The following MAMDC4 variants were observed in gnomAD, a reference collection of about 807,000 sequenced individuals.
MAMDC4 encodes the protein apical endosomal glycoprotein.
A neutral mutation model predicts 153.3 loss-of-function variants in MAMDC4; 168 were observed. The ratio of observed to expected loss-of-function variants is 1.10; its 90% CI spans 0.97 to 1.25. The LOEUF is 1.25. Ranked by LOEUF, MAMDC4 falls within the 50% of genes most tolerant of loss-of-function variation. The pLI is 0.00. For missense variants in MAMDC4, 1,701 were observed against 1,542.8 expected, an observed-to-expected ratio of 1.10 and a Z score of -1.72; for synonymous variants, 744 against 651.5, an observed-to-expected ratio of 1.14 and a Z score of -2.16.
chr9:136,855,400 C>G (rs1564386513), intron 11 of MAMDC4, 31 bp from the exon 12 acceptor site: 1 of 1,603,894 alleles, frequency 6.2e-7, no homozygotes, highest in African/African-American at 1.3e-5. Context: ...CTCCCCATCC[C>G]TGCCTCCTGA....
At chr9:136,857,872 G>A in intron 19 of MAMDC4, 76 bp downstream of exon 19, 1 of 1,525,346 alleles carries the variant, frequency 6.6e-7, no homozygotes, top group Admixed American at 2.2e-5. Flanking sequence ...TTGTGCTGAG[G>A]CCACTGGGGA....
At chr9:136,855,692 C>T (rs376192806) in intron 12 of MAMDC4, 40 bp from the exon 13 acceptor site, 2 of 1,570,198 alleles carry the variant, frequency 1.3e-6, no homozygotes, top group Non-Finnish European at 8.6e-7. Context: ...AGGCTGAGGA[C>T]TCTGAGGACT....
chr9:136,860,436 G>C, intron 26 of MAMDC4, 126 bp from the exon 27 acceptor site: 1 of 1,008,650 alleles, frequency 9.9e-7, no homozygotes, highest in Non-Finnish European at 1.5e-6. Context: ...CAGGAGAATC[G>C]CTTGAACCAG....
At position 136,858,048 on chromosome 9, in the gene MAMDC4, T is replaced by C; in HGVS notation, c.2534T>C (p.Leu845Pro). Residue 845 changes from leucine (L) to proline (P), a missense_variant, in exon 20 of 27, where the codon CTT becomes CCT. Physicochemically the swap from Leu to Pro is moderately conservative, Grantham distance 98. Coordinates refer to ENST00000317446, the MANE Select transcript of MAMDC4 (RefSeq NM_206920.3). Reference sequence around the variant, plus strand: ...CTCAGCCTCAGTGCCCACGGCGGGCTTGCCTGGCGCCTGGGCAGCATGGAC... The same window carrying C: ...CTCAGCCTCAGTGCCCACGGCGGGCCTGCCTGGCGCCTGGGCAGCATGGAC... ...QVLSLSAHGG[L>P]AWRLGSMDVQ... 6.5e-7 allele frequency: 1 copy of C among 1,528,596 alleles called. No homozygotes were observed. Among genetic ancestry groups the C allele is most frequent in the Non-Finnish European group, 8.8e-7 (1 of 1,139,750 alleles). The allele number at this position is 1,528,596 out of a possible 1,614,324, so 94.7% of individuals were successfully genotyped here. A position where few individuals can be genotyped will look rare whatever the true frequency, so the allele number is the denominator to read the frequency against.
intron 26 of MAMDC4, 113 bp from the exon 27 acceptor site, chr9:136,860,449 A>G: frequency 8.9e-7 from 1 of 1,121,284 alleles, no homozygotes; most frequent in Non-Finnish European, 1.3e-6. Context: ...TGAACCAGGG[A>G]GGCAGGGGTT....
chr9:136,858,968 G>A, intron 23 of MAMDC4, 37 bp from the exon 24 acceptor site: 2 of 1,510,740 alleles, frequency 1.3e-6, no homozygotes, highest in Non-Finnish European at 1.8e-6. Context: ...AGGAGCCCCA[G>A]GACCCCAGGC....
chr9:136,853,062 A>ACTGGGGG (rs1848948849), intron 1 of MAMDC4, 40 bp from the exon 2 acceptor site: 1 of 1,574,572 alleles, frequency 6.4e-7, no homozygotes, highest in Non-Finnish European at 8.7e-7. Flanking sequence ...ATGGCTGGTC[A>ACTGGGGG]CCCTGCCCCC....
In MAMDC4 at chr9:136,857,431, G is replaced by A. The variant is rs371210512; in HGVS notation, c.2171G>A (p.Arg724Gln). The change falls in exon 18 of 27, where the codon CGG (arginine) becomes CAG (glutamine). Residue 724 changes from arginine (R) to glutamine (Q), a missense_variant. Physicochemically the swap from Arg to Gln is conservative, Grantham distance 43 (BLOSUM62 1). Transcript: ENST00000317446. ...GTMALDDVAV[R>Q]PGPCWAPNYC... Reference sequence around the variant, plus strand: ...ATGGCGCTGGACGATGTGGCCGTGCGGCCGGGCCCCTGCTGGGCCCCTAAT... The same window carrying A: ...ATGGCGCTGGACGATGTGGCCGTGCAGCCGGGCCCCTGCTGGGCCCCTAAT... 19 of 1,608,224 alleles carry A rather than the reference G, an allele frequency of 1.2e-5. No individual in the cohort carries two copies. The highest frequency in any genetic ancestry group is 8.9e-5 in the East Asian group (4 of 44,882).
Position 136,859,901 on chromosome 9 carries a change from C to T in MAMDC4, c.3209C>T (p.Pro1070Leu), listed in dbSNP as rs754062243. The T allele has an allele frequency of 1.2e-6, 2 of 1,612,090 alleles. No homozygotes were observed. The highest frequency in any genetic ancestry group is 2.2e-5 in the South Asian group (2 of 91,022). The change falls in exon 26 of 27, where the codon CCC (proline) becomes CTC (leucine). Residue 1070 changes from proline (P) to leucine (L), a missense_variant. Coordinates refer to ENST00000317446, the MANE Select transcript of MAMDC4 (RefSeq NM_206920.3). Reference sequence around the variant, plus strand: ...TGGCCCACAGGGAACACAGCCGCACCCGGGTCTGTGCCAGCTGTGGTTGGC... The same window carrying T: ...TGGCCCACAGGGAACACAGCCGCACTCGGGTCTGTGCCAGCTGTGGTTGGC... ...PAPSPGNTAA[P>L]GSVPAVVGSA...
rs1206820972 is a variant in MAMDC4 at position 136,857,253 on chromosome 9, C to T, written c.2061C>T (p.Ala687=). ...CCCAGGGCAACCGCTGGCACGAGGC[C>T]TGGGCCACCCTTTCCCACCAGCCTG... The part of the protein sequence containing the change: ...SGTQGNRWHE[A]WATLSHQPGS... Residue 687 remains alanine, a synonymous_variant, in exon 17 of 27, where the codon GCC becomes GCT. Coordinates refer to ENST00000317446, the MANE Select transcript of MAMDC4 (RefSeq NM_206920.3). The T allele has an allele frequency of 1.2e-6, 2 of 1,604,202 alleles. No individual in the cohort carries two copies. The highest frequency in any genetic ancestry group is 1.7e-6 in the Non-Finnish European group (2 of 1,175,988).
rs1446183713 is a variant in MAMDC4 at position 136,853,589 on chromosome 9, A to G, written c.373A>G (p.Thr125Ala). The G allele has an allele frequency of 6.2e-7, 1 of 1,612,276 alleles. No homozygotes were observed. Among genetic ancestry groups the G allele is most frequent in the Non-Finnish European group, 8.5e-7 (1 of 1,179,858 alleles). Residue 125 changes from threonine to alanine, a missense_variant, in exon 4 of 27, where the codon ACC becomes GCC. Thr to Ala is a moderately conservative substitution (Grantham distance 58). Coordinates refer to ENST00000317446, the MANE Select transcript of MAMDC4 (RefSeq NM_206920.3). Reference sequence around the variant, plus strand: ...AACCCACCGAGGGAAAGAGGCATCCACCGCAGCCCTGCGCTCGCCAACCCT... The same window carrying G: ...AACCCACCGAGGGAAAGAGGCATCCGCCGCAGCCCTGCGCTCGCCAACCCT... ...VGTHRGKEASTAALRSPTLRE... is the reference protein window; with the variant it reads ...VGTHRGKEASAAALRSPTLRE...
intron 6 of MAMDC4, 66 bp from the exon 7 acceptor site, chr9:136,854,145 C>G (rs1422651518): frequency 9.3e-6 from 15 of 1,610,790 alleles, no homozygotes; most frequent in East Asian, 2.2e-5. Context: ...TGCTCAGACC[C>G]TGTCTGCCCC....
rs750381613 is a variant in MAMDC4, at chr9:136,854,865, G to T, written c.1023+15G>T. On this transcript the variant is annotated intron_variant, in intron 9 of 26. Transcript: ENST00000317446. ...CCAACTGCTCGGTGAGATGGGTGGGGCTCACAGGGCCTCCCTGCTCTCCGT... is the reference window on the plus strand; with the variant it reads ...CCAACTGCTCGGTGAGATGGGTGGGTCTCACAGGGCCTCCCTGCTCTCCGT... 9.3e-6 allele frequency: 15 copies of T among 1,612,500 alleles called. No homozygotes were observed. In the Admixed American group the frequency reaches 2.0e-4, roughly 21 times the overall value.
Position 136,853,194 on chromosome 9 carries a change from G to A in MAMDC4, c.139G>A (p.Asp47Asn), listed in dbSNP as rs770758483. 7 of 1,612,822 alleles carry A rather than the reference G, an allele frequency of 4.3e-6. No individual in the cohort carries two copies. Among genetic ancestry groups the A allele is most frequent in the Middle Eastern group, 1.6e-4 (1 of 6,062 alleles). Residue 47 changes from aspartate to asparagine, a missense_variant, in exon 2 of 27, where the codon GAT becomes AAT. Physicochemically the swap from Asp to Asn is conservative, Grantham distance 23. Transcript: ENST00000317446. The part of the protein sequence containing the change: ...NFVCDCRDCS[D>N]EAQCGYHGAS... ...CGTGTGTGACTGCAGGGACTGCTCA[G>A]ATGAGGCCCAGTGTGGTGAGCCAAG...
In MAMDC4 at chr9:136,857,386, G is replaced by A. The variant is rs774237103; in HGVS notation, c.2126G>A (p.Arg709Gln). The A allele has an allele frequency of 1.1e-5, 18 of 1,608,038 alleles. No homozygotes were observed. The African/African-American group carries it at 1.6e-4, about 14-fold the overall frequency. ...AQYQLLFEGL[R>Q]DGYHGTMALD... ...CCCCAGCTGCTGTTCGAGGGCCTCC[G>A]GGACGGATACCACGGCACCATGGCG... Residue 709 changes from arginine to glutamine, a missense_variant, in exon 18 of 27, where the codon CGG (arginine) becomes CAG (glutamine). Coordinates refer to ENST00000317446, the MANE Select transcript of MAMDC4 (RefSeq NM_206920.3).
At chr9:136,859,790 C>T (rs1249827916) in intron 25 of MAMDC4, 96 bp from the exon 26 acceptor site, 1 of 1,336,210 alleles carries the variant, frequency 7.5e-7, no homozygotes, top group Non-Finnish European at 1.0e-6. Flanking sequence ...CCCCAGGAGC[C>T]AGCAGAGGCT....
intron 14 of MAMDC4, 143 bp from the exon 15 acceptor site, chr9:136,856,567 G>C: frequency 2.4e-6 from 2 of 842,624 alleles, no homozygotes; most frequent in Non-Finnish European, 4.2e-6. Context: ...ACCACCGAGA[G>C]AGACAGAGGT....
intron 22 of MAMDC4, 69 bp downstream of exon 22, chr9:136,858,615 A>G: frequency 6.3e-7 from 1 of 1,580,684 alleles, no homozygotes. Flanking sequence ...CCACCCACAG[A>G]GTACATGCCC....
rs147996833 is a variant in MAMDC4 at position 136,854,662 on chromosome 9, G to A, written c.920G>A (p.Arg307Gln). The change falls in exon 8 of 27, where the codon CGG (arginine) becomes CAG (glutamine). Residue 307 changes from arginine (R) to glutamine (Q), a missense_variant. Physicochemically the swap from Arg to Gln is conservative, Grantham distance 43. Transcript: ENST00000317446. ...RPSWPRRDHS[R>Q]NSAQGSFLVS... ...TCCTGGCCACGCCGTGACCACAGCC[G>A]GAACAGTGCACAGGGTGAGGCCCAC... 3.1e-4 allele frequency: 507 copies of A among 1,610,410 alleles called. 6 individuals are homozygous for A. The South Asian group carries it at 3.8e-3, about 12-fold the overall frequency.
Sources: gnomAD v4.1 joint callset for allele counts on GRCh38, gnomAD v4.1.1 for gene constraint, MANE v1.5 for transcripts, NCBI Gene and HGNC (gene_info 2026-07-23, HGNC 2026-07-21) for gene names.